CDH6: variants seen among roughly 807,000 people sequenced by gnomAD.
The protein encoded by CDH6 is cadherin 6.
Under a neutral mutation model 78.0 loss-of-function variants are expected in CDH6, and 31 were observed. That is an observed-to-expected ratio of 0.40 (90% CI 0.30 to 0.54). CDH6 has a LOEUF of 0.54. CDH6 is among the 20% of genes least tolerant of loss of function. The probability of loss-of-function intolerance (pLI) is 0.56; values close to 1 mark genes in which losing one functional copy is unlikely to be tolerated. For missense variants in CDH6, 724 were observed against 975.9 expected (o/e 0.74, Z 3.44); for synonymous variants, 376 against 368.8 (o/e 1.02, Z -0.23).
intron 1 of CDH6, among the ~76,000 whole-genome samples, chr5:31,242,128 T>A (rs192016334): frequency 7.6e-4 from 116 of 152,330 alleles, no homozygotes; most frequent in Non-Finnish European, 1.4e-3. Context: ...ATGGACCCAT[T>A]GTTATGTCCC....
intron 1 of CDH6, among the ~76,000 whole-genome samples, chr5:31,228,550 T>A (rs1741228511): frequency 6.6e-6 from 1 of 152,254 alleles, no homozygotes. Flanking sequence ...GTCCCCAACC[T>A]TTTTGGCACT....
At chr5:31,274,111 C>T (rs1561053087) in intron 2 of CDH6, among the ~76,000 whole-genome samples, 1 of 152,198 alleles carries the variant, frequency 6.6e-6, no homozygotes, top group African/African-American at 2.4e-5. Context: ...AGAAAAAGTG[C>T]ATGCATACAC....
intron 1 of CDH6, among the ~76,000 whole-genome samples, chr5:31,221,171 C>T (rs1418845180): frequency 6.6e-6 from 1 of 152,206 alleles, no homozygotes; most frequent in Non-Finnish European, 1.5e-5. Flanking sequence ...TTGTCAACAG[C>T]AGCGACTCAG....
At position 31,322,913 on chromosome 5, in the gene CDH6, A is replaced by C. The variant is rs1370662646; in HGVS notation, c.1978A>C (p.Asn660His). 1 of 1,614,186 alleles carries C rather than the reference A, an allele frequency of 6.2e-7. No homozygotes were observed. The highest frequency in any genetic ancestry group is 1.7e-5 in the Admixed American group (1 of 60,030). Residue 660 changes from asparagine to histidine, a missense_variant, in exon 12 of 12, where the codon AAC becomes CAC. Transcript: ENST00000265071. ...CATCAGAGATAACATTGTCAGTTAC[A>C]ACGACGAAGGTGGTGGAGAGGAGGA... ...EDIRDNIVSY[N>H]DEGGGEEDTQ...
intron 1 of CDH6, among the ~76,000 whole-genome samples, 190 bp from the exon 2 acceptor site, chr5:31,267,156 G>C (rs1279198977): frequency 6.6e-6 from 1 of 152,088 alleles, no homozygotes; most frequent in Non-Finnish European, 1.5e-5. Context: ...GAAAACAACA[G>C]CTTCCTACCC....
At chr5:31,259,297 G>A (rs1742147286) in intron 1 of CDH6, among the ~76,000 whole-genome samples, 1 of 152,146 alleles carries the variant, frequency 6.6e-6, no homozygotes, top group East Asian at 1.9e-4. Flanking sequence ...ATTACTTAAT[G>A]GTAAACTGAA....
intron 1 of CDH6, among the ~76,000 whole-genome samples, chr5:31,229,732 A>G (rs60580057): frequency 6.6e-6 from 1 of 152,162 alleles, no homozygotes. Context: ...TAGCTGAATA[A>G]ACATTTCTCA....
intron 1 of CDH6, among the ~76,000 whole-genome samples, chr5:31,198,295 G>T (rs1394417241): frequency 6.6e-6 from 1 of 152,148 alleles, no homozygotes; most frequent in Non-Finnish European, 1.5e-5. Flanking sequence ...ACCATTGGGT[G>T]CTGGTTTCTT....
intron 1 of CDH6, among the ~76,000 whole-genome samples, chr5:31,207,979 A>G (rs1039744428): frequency 6.6e-6 from 1 of 152,218 alleles, no homozygotes; most frequent in Admixed American, 6.5e-5. Flanking sequence ...ATGAGAAAAG[A>G]CAAGTTAAGA....
At chr5:31,209,854 G>A (rs756848580) in intron 1 of CDH6, among the ~76,000 whole-genome samples, 5 of 152,072 alleles carry the variant, frequency 3.3e-5, no homozygotes, top group African/African-American at 7.2e-5. Flanking sequence ...AGTCGAAGAT[G>A]GTTGCTGGTG....
intron 4 of CDH6, 25 bp from the exon 5 acceptor site, chr5:31,299,439 G>T (rs752471169): frequency 6.2e-5 from 98 of 1,590,482 alleles, no homozygotes; most frequent in Admixed American, 8.4e-5. Flanking sequence ...GCATCCCTTT[G>T]CACTCTTAAA....
intron 1 of CDH6, among the ~76,000 whole-genome samples, chr5:31,213,625 G>A (rs554424918): frequency 3.3e-5 from 5 of 152,202 alleles, no homozygotes; most frequent in East Asian, 3.9e-4. Context: ...AAGCCTTTTC[G>A]GAAGTAGTTT....
At chr5:31,292,875 G>A (rs866808187) in intron 2 of CDH6, among the ~76,000 whole-genome samples, 13 of 118,318 alleles carry the variant, frequency 1.1e-4, no homozygotes, top group African/African-American at 3.8e-4. Context: ...ATATATATAT[G>A]TATGTGTTTG....
At chr5:31,202,692 T>C (rs1486428842) in intron 1 of CDH6, among the ~76,000 whole-genome samples, 3 of 151,368 alleles carry the variant, frequency 2.0e-5, no homozygotes, top group Non-Finnish European at 2.9e-5. Flanking sequence ...TATGTATATA[T>C]ACACATATAT....
At chr5:31,262,620 A>G (rs1360723583) in intron 1 of CDH6, among the ~76,000 whole-genome samples, 1 of 152,160 alleles carries the variant, frequency 6.6e-6, no homozygotes, top group Non-Finnish European at 1.5e-5. Flanking sequence ...GCTAAGAGGG[A>G]ATGCAGGGTA....
rs1738631938 is a variant in CDH6 at position 31,326,680 on chromosome 5, AATTTTTTTTTTTT to A, written c.*3373_*3385del. ...CAAAGAGTTGTGCAGAAAATCTTAAAATTTTTTTTTTTTTTTTTTTTTTTTTTTTGAGACAGAA... is the reference window on the plus strand; with the variant it reads ...CAAAGAGTTGTGCAGAAAATCTTAAATTTTTTTTTTTTTTTTGAGACAGAA... On this transcript the variant is annotated 3_prime_UTR_variant, in exon 12 of 12. Coordinates refer to ENST00000265071, the MANE Select transcript of CDH6 (RefSeq NM_004932.4). 2.3e-5 allele frequency: 3 copies of A among 130,318 alleles called. No homozygotes were observed. The highest frequency in any genetic ancestry group is 4.9e-5 in the Non-Finnish European group (3 of 61,680). The allele number at this position is 130,318 out of a possible 1,614,324, so 8.1% of individuals were successfully genotyped here.
chr5:31,241,373 C>T (rs1012608938), intron 1 of CDH6, among the ~76,000 whole-genome samples: 1 of 152,202 alleles, frequency 6.6e-6, no homozygotes, highest in South Asian at 2.1e-4. Flanking sequence ...CTGTTTGGAT[C>T]CCCTCATCCA....
chr5:31,205,590 CAT>C (rs1392987710), intron 1 of CDH6, among the ~76,000 whole-genome samples: 5 of 152,316 alleles, frequency 3.3e-5, no homozygotes, highest in Admixed American at 6.5e-5. Flanking sequence ...ACACTTTTAA[CAT>C]ATTTTATTTT....
intron 1 of CDH6, among the ~76,000 whole-genome samples, chr5:31,246,979 G>C (rs1741769048): frequency 6.6e-6 from 1 of 152,164 alleles, no homozygotes; most frequent in South Asian, 2.1e-4. Context: ...TTGAACTCCT[G>C]ACCTCAGGTG....
Sources: allele counts gnomAD v4.1 joint callset (sites outside exome capture counted in the v4.1 genomes callset), GRCh38; gene constraint gnomAD v4.1.1; transcripts MANE v1.5; gene names NCBI Gene and HGNC (gene_info 2026-07-23, HGNC 2026-07-21).